The following INCENP variants were observed in gnomAD, a reference collection of about 807,000 sequenced individuals.
INCENP encodes binds and activates aurora-B and -C in vivo and in vitro.
INCENP carries 43 observed loss-of-function variants against 107.3 expected under a neutral mutation model. That is an observed-to-expected ratio of 0.40 (90% CI 0.31 to 0.52). The LOEUF (loss-of-function observed/expected upper bound fraction) is 0.52, where lower values mean the gene tolerates loss of function less well. INCENP is among the 20% of genes least tolerant of loss of function. INCENP has a pLI of 0.53. For synonymous variants in INCENP, 488 were observed against 494.4 expected (o/e 0.99, Z 0.17); for missense variants, 1,089 against 1,250.9 (o/e 0.87, Z 1.95).
intron 11 of INCENP, among the ~76,000 whole-genome samples, chr11:62,142,132 T>C (rs1792931): frequency 0.024 from 3,582 of 152,310 alleles, 144 homozygotes; most frequent in African/African-American, 0.082. Flanking sequence ...ATGCTTAGCC[T>C]GCAGCCCCAG....
At chr11:62,133,756 C>A (rs949470337) in intron 4 of INCENP, among the ~76,000 whole-genome samples, 3 of 152,138 alleles carry the variant, frequency 2.0e-5, no homozygotes, top group Non-Finnish European at 4.4e-5. Flanking sequence ...TGGGTATAAA[C>A]CCCTTAAATG....
chr11:62,134,602 T>C (rs1943953478), intron 4 of INCENP, among the ~76,000 whole-genome samples: 1 of 152,196 alleles, frequency 6.6e-6, no homozygotes, highest in African/African-American at 2.4e-5. Context: ...CCTGTTTACA[T>C]TAAGACTTTT....
rs370910364 is a variant in INCENP at position 62,138,998 on chromosome 11, G to A, written c.1284G>A (p.Gly428=). ...AASSPETPSA[G]QQEAKTDQAD... is the part of the protein sequence containing the mutation. ...GCAGCCCGGAAACACCCTCTGCAGG[G>A]CAGCAAGGTGAGGCTTCCTGACCTG... The change falls in exon 7 of 19, where the codon GGG becomes GGA. Residue 428 remains glycine (G), a synonymous_variant. Coordinates refer to ENST00000394818, the MANE Select transcript of INCENP (RefSeq NM_001040694.2). The A allele has an allele frequency of 3.3e-5, 54 of 1,611,956 alleles. No individual in the cohort carries two copies. Among genetic ancestry groups the A allele is most frequent in the Non-Finnish European group, 4.2e-5 (50 of 1,178,280 alleles).
At chr11:62,145,842 G>C in intron 14 of INCENP, 91 bp downstream of exon 14, 2 of 1,427,508 alleles carry the variant, frequency 1.4e-6, no homozygotes, top group Non-Finnish European at 9.4e-7. Context: ...CCCACCTTGT[G>C]GGGTTGACCC....
intron 5 of INCENP, chr11:62,138,087 C>T (rs1170594755): frequency 2.8e-5 from 17 of 607,472 alleles, no homozygotes; most frequent in East Asian, 2.8e-5. Flanking sequence ...CACCCGTCAG[C>T]GTTGCTGGTT....
At chr11:62,124,763 A>G (rs949430867) in intron 1 of INCENP, among the ~76,000 whole-genome samples, 1 of 152,204 alleles carries the variant, frequency 6.6e-6, no homozygotes, top group Admixed American at 6.5e-5. Context: ...TAAAGGCGGT[A>G]TAGCCCGTGG....
At position 62,140,979 on chromosome 11, in the gene INCENP, T is replaced by A; in HGVS notation, c.1528T>A (p.Ser510Thr). 1 of 1,614,204 alleles carries A rather than the reference T, an allele frequency of 6.2e-7. No individual in the cohort carries two copies. The highest frequency in any genetic ancestry group is 8.5e-7 in the Non-Finnish European group (1 of 1,180,048). ...GAACCAGATGCTCATGACCCCGACCTCAGCCCCACGCAGCGTCATGAAGTC... is the reference window on the plus strand; with the variant it reads ...GAACCAGATGCTCATGACCCCGACCACAGCCCCACGCAGCGTCATGAAGTC... Reference protein sequence around the residue: ...QRNQMLMTPTSAPRSVMKSFI... With the variant: ...QRNQMLMTPTTAPRSVMKSFI... Residue 510 changes from serine to threonine, a missense_variant, in exon 10 of 19, where the codon TCA becomes ACA. By Grantham distance (58) the Ser-to-Thr change is moderately conservative. Coordinates refer to ENST00000394818, the MANE Select transcript of INCENP (RefSeq NM_001040694.2).
chr11:62,148,916 G>A (rs746550926), intron 17 of INCENP, 70 bp downstream of exon 17: 5 of 973,160 alleles, frequency 5.1e-6, no homozygotes, highest in Non-Finnish European at 7.7e-6. Context: ...CCAGTAGCTA[G>A]AGGCACAGGC....
Position 62,140,161 on chromosome 11 carries a change from C to T in INCENP, c.1292-73C>T, listed in dbSNP as rs1944081586. ...CAAGGCTGCTGCCCAAGGACCCCTT[C>T]CCCCTACACCCCCATTCCCACCCTG... is the stretch of plus-strand genomic sequence containing the variant. On this transcript the variant is annotated intron_variant, in intron 7 of 18. Transcript: ENST00000394818. 2.2e-6 allele frequency: 3 copies of T among 1,347,338 alleles called. No homozygotes were observed. The Admixed American group carries it at 5.1e-5, about 23-fold the overall frequency. The allele number at this position is 1,347,338 out of a possible 1,614,324, so 83.5% of individuals were successfully genotyped here. A position where few individuals can be genotyped will look rare whatever the true frequency, so the allele number is the denominator to read the frequency against.
chr11:62,144,935 G>T, intron 11 of INCENP, 47 bp from the exon 12 acceptor site: 1 of 1,523,568 alleles, frequency 6.6e-7, no homozygotes, highest in Non-Finnish European at 9.0e-7. Flanking sequence ...CTGGGTGGGG[G>T]GTCGTCCTTG....
chr11:62,125,564 T>C (rs924158397), intron 1 of INCENP, among the ~76,000 whole-genome samples: 5 of 152,248 alleles, frequency 3.3e-5, no homozygotes, highest in African/African-American at 4.8e-5. Context: ...GCCTGTACGA[T>C]CCTGCCCATT....
rs760494438 is a variant in INCENP at position 62,130,311 on chromosome 11, G to T, written c.784G>T (p.Val262Phe). 15 of 1,611,478 alleles carry T rather than the reference G, an allele frequency of 9.3e-6. No homozygotes were observed. The highest frequency in any genetic ancestry group is 1.1e-5 in the Non-Finnish European group (13 of 1,180,024). Residue 262 changes from valine to phenylalanine, a missense_variant, in exon 4 of 19, where the codon GTC becomes TTC. Physicochemically the swap from Val to Phe is conservative, Grantham distance 50. Coordinates refer to ENST00000394818, the MANE Select transcript of INCENP (RefSeq NM_001040694.2). ...TGCGTCTAAGCTCAGGATTGCGCAG[G>T]TCTCCCCTGGCCCACGGGACTCGCC... ...RSASKLRIAQ[V>F]SPGPRDSPAF...
chr11:62,128,985 C>T (rs1943818749), intron 3 of INCENP, 102 bp downstream of exon 3: 2 of 795,796 alleles, frequency 2.5e-6, no homozygotes, highest in Non-Finnish European at 4.3e-6. Context: ...AAGTAGCAGC[C>T]TGTAGGAGGG....
intron 4 of INCENP, among the ~76,000 whole-genome samples, chr11:62,132,043 C>T (rs755371850): frequency 1.6e-4 from 25 of 152,212 alleles, no homozygotes; most frequent in Non-Finnish European, 3.5e-4. Flanking sequence ...CCCGCCTTAG[C>T]CTCCCAAAGT....
chr11:62,137,693 C>T (rs918784892), intron 4 of INCENP, 139 bp from the exon 5 acceptor site: 1 of 758,972 alleles, frequency 1.3e-6, no homozygotes, highest in Non-Finnish European at 2.4e-6. Flanking sequence ...AGGGGAGGGT[C>T]CTGGGCATGG....
rs1944382312 is a variant in INCENP, at chr11:62,151,904, T to C, written c.2685T>C (p.Ala895=). 6.2e-7 allele frequency: 1 copy of C among 1,613,932 alleles called. No homozygotes were observed. Among genetic ancestry groups the C allele is most frequent in the African/African-American group, 1.3e-5 (1 of 74,954 alleles). ...GCTATCACAAGCGCACCAGCTCTGCTGTCTGGAACTCACCGCCCCTGCAGG... is the reference window on the plus strand; with the variant it reads ...GCTATCACAAGCGCACCAGCTCTGCCGTCTGGAACTCACCGCCCCTGCAGG... The part of the protein sequence containing the change: ...KPRYHKRTSS[A]VWNSPPLQGA... The change falls in exon 19 of 19, where the codon GCT becomes GCC. Residue 895 remains alanine (A), a synonymous_variant. Coordinates refer to ENST00000394818, the MANE Select transcript of INCENP (RefSeq NM_001040694.2).
At chr11:62,148,356 G>T in intron 15 of INCENP, 120 bp from the exon 16 acceptor site, 1 of 909,192 alleles carries the variant, frequency 1.1e-6, no homozygotes. Context: ...TGCCCATTCA[G>T]CAATCCCACT....
intron 16 of INCENP, 24 bp from the exon 17 acceptor site, chr11:62,148,715 A>G (rs1944309945): frequency 1.3e-6 from 2 of 1,552,454 alleles, no homozygotes. Flanking sequence ...GCTCCCTAAC[A>G]CCCCATTGCC....
chr11:62,134,329 C>T (rs1943947103), intron 4 of INCENP, among the ~76,000 whole-genome samples: 1 of 149,106 alleles, frequency 6.7e-6, no homozygotes, highest in South Asian at 2.1e-4. Context: ...GGGAGGATTG[C>T]TTGAACCCAG....
Sources: allele counts gnomAD v4.1 joint callset (sites outside exome capture counted in the v4.1 genomes callset), GRCh38; gene constraint gnomAD v4.1.1; transcripts MANE v1.5; gene names NCBI Gene and HGNC (gene_info 2026-07-23, HGNC 2026-07-21).